CACNA1E: variants seen among roughly 807,000 people sequenced by gnomAD.
The protein encoded by CACNA1E is voltage-dependent R-type calcium channel subunit alpha-1E.
A neutral mutation model predicts 259.2 loss-of-function variants in CACNA1E; 40 were observed. The ratio of observed to expected loss-of-function variants is 0.15; its 90% CI spans 0.12 to 0.20. The LOEUF (loss-of-function observed/expected upper bound fraction) is 0.20. Among genes scored for constraint, CACNA1E ranks in the 10% least tolerant of loss-of-function variants. The pLI, the probability that CACNA1E is intolerant of heterozygous loss-of-function variation, is 1.00. For missense variants in CACNA1E, 1,874 were observed against 3,040.1 expected (o/e 0.62, Z 9.02); for synonymous variants, 1,104 against 1,138.5 (o/e 0.97, Z 0.61).
intron 3 of CACNA1E, among the ~76,000 whole-genome samples, chr1:181,516,621 C>T (rs1356803649): frequency 6.6e-6 from 1 of 152,176 alleles, no homozygotes; most frequent in Non-Finnish European, 1.5e-5. Context: ...ACCAGCTGTT[C>T]CTGTGCTGCT....
intron 7 of CACNA1E, among the ~76,000 whole-genome samples, chr1:181,694,561 A>G (rs1651517118): frequency 6.6e-6 from 1 of 152,216 alleles, no homozygotes; most frequent in Non-Finnish European, 1.5e-5. Flanking sequence ...GCTCTGTTGC[A>G]TAGGCTTTGC....
intron 2 of CACNA1E, among the ~76,000 whole-genome samples, chr1:181,463,883 A>T (rs1661978189): frequency 6.6e-6 from 1 of 152,080 alleles, no homozygotes; most frequent in African/African-American, 2.4e-5. Flanking sequence ...ACATACTGAG[A>T]TAAAAAAGAA....
At chr1:181,550,909 G>A (rs1648068989) in intron 3 of CACNA1E, among the ~76,000 whole-genome samples, 1 of 152,062 alleles carries the variant, frequency 6.6e-6, no homozygotes, top group African/African-American at 2.4e-5. Context: ...TGAGCCCCTT[G>A]GAAGGCAAGC....
At chr1:181,548,469 T>C (rs1489271171) in intron 3 of CACNA1E, among the ~76,000 whole-genome samples, 2 of 152,182 alleles carry the variant, frequency 1.3e-5, no homozygotes, top group African/African-American at 4.8e-5. Context: ...TCATGTCATA[T>C]GGATAATTAT....
At chr1:181,457,345 A>C (rs545065802) in intron 2 of CACNA1E, among the ~76,000 whole-genome samples, 2 of 152,364 alleles carry the variant, frequency 1.3e-5, no homozygotes, top group African/African-American at 4.8e-5. Context: ...TCAACATATG[A>C]ATTTGGGTGA....
intron 16 of CACNA1E, among the ~76,000 whole-genome samples, chr1:181,724,201 A>G (rs1654674729): frequency 1.3e-5 from 2 of 152,146 alleles, no homozygotes; most frequent in Admixed American, 6.5e-5. Flanking sequence ...TCCTCACCCC[A>G]TCTGGCCCCC....
chr1:181,356,911 T>G (rs1653486763), intron 1 of CACNA1E, among the ~76,000 whole-genome samples: 1 of 152,164 alleles, frequency 6.6e-6, no homozygotes, highest in Non-Finnish European at 1.5e-5. Flanking sequence ...ACCTGGTTGC[T>G]CGAATGGATT....
At chr1:181,572,999 C>G (rs10797731) in intron 3 of CACNA1E, among the ~76,000 whole-genome samples, 54,471 of 151,994 alleles carry the variant, frequency 0.36, 10,042 homozygotes, top group South Asian at 0.47. Context: ...TGGACCCTCC[C>G]AGCACTGGGC....
intron 6 of CACNA1E, among the ~76,000 whole-genome samples, chr1:181,618,014 TC>T (rs1655381295): frequency 6.6e-6 from 1 of 152,198 alleles, no homozygotes; most frequent in East Asian, 1.9e-4. Flanking sequence ...TATGGCTTTT[TC>T]CCCCTGCCTT....
intron 1 of CACNA1E, among the ~76,000 whole-genome samples, chr1:181,397,792 T>C (rs1474853252): frequency 6.6e-6 from 1 of 152,208 alleles, no homozygotes; most frequent in Non-Finnish European, 1.5e-5. Context: ...ATTCCACATG[T>C]AGCCCTTACC....
chr1:181,365,061 G>C (rs1654167381), intron 1 of CACNA1E, among the ~76,000 whole-genome samples: 1 of 152,226 alleles, frequency 6.6e-6, no homozygotes, highest in Admixed American at 6.5e-5. Flanking sequence ...TAGCAGCACT[G>C]AGCACGTGCT....
chr1:181,711,793 G>A (rs991815610), intron 8 of CACNA1E, among the ~76,000 whole-genome samples: 6 of 152,112 alleles, frequency 3.9e-5, no homozygotes, highest in Non-Finnish European at 8.8e-5. Context: ...AAGGAATAGG[G>A]AGGAGGAACA....
chr1:181,488,187 T>G (rs560662505), intron 1 of CACNA1E, among the ~76,000 whole-genome samples: 1 of 152,384 alleles, frequency 6.6e-6, no homozygotes, highest in South Asian at 2.1e-4. Context: ...TTTTGGTGTC[T>G]TCTTTTCTTC....
chr1:181,354,703 G>T (rs777297194), intron 1 of CACNA1E, among the ~76,000 whole-genome samples: 3 of 152,184 alleles, frequency 2.0e-5, no homozygotes, highest in Non-Finnish European at 4.4e-5. Context: ...AGGGAGACAG[G>T]GAAAAGGGCA....
chr1:181,644,841 G>A (rs1431793420), intron 6 of CACNA1E, among the ~76,000 whole-genome samples: 5 of 152,194 alleles, frequency 3.3e-5, no homozygotes, highest in African/African-American at 1.2e-4. Flanking sequence ...AAAGGGCCGG[G>A]CCATTGATAA....
chr1:181,796,178 C>A (rs917378685), intron 46 of CACNA1E, among the ~76,000 whole-genome samples: 8 of 152,142 alleles, frequency 5.3e-5, no homozygotes, highest in African/African-American at 1.9e-4. Context: ...AATTTGCTAG[C>A]CTGCCTTTCT....
chr1:181,355,364 G>A (rs887963536), intron 1 of CACNA1E, among the ~76,000 whole-genome samples: 1 of 152,170 alleles, frequency 6.6e-6, no homozygotes, highest in Non-Finnish European at 1.5e-5. Flanking sequence ...CAGGCAGGTG[G>A]ATCACTTGAG....
rs74879406 is a variant in CACNA1E, at chr1:181,607,205, G to C, written c.951+26429G>C. 5.0e-3 allele frequency among the ~76,000 whole-genome samples: 759 copies of C among 152,260 alleles called. 11 individuals carry two copies. The highest frequency in any genetic ancestry group is 0.017 in the African/African-American group (721 of 41,550). On this transcript the variant is annotated intron_variant, in intron 6 of 47. Transcript: ENST00000367573. The stretch of plus-strand genomic sequence containing the variant: ...GCCTAGGGCTTTGATTCAAGCACAA[G>C]GTGAGAGTGGAGCAGGGTGGGATGT...
chr1:181,326,446 G>A (rs983534843), intron 1 of CACNA1E, among the ~76,000 whole-genome samples: 4 of 152,158 alleles, frequency 2.6e-5, no homozygotes, highest in African/African-American at 9.7e-5. Flanking sequence ...TGAGAAGGAG[G>A]CCTGGATACC....
Sources: gnomAD v4.1 joint callset for allele counts (sites outside exome capture counted in the v4.1 genomes callset) on GRCh38, gnomAD v4.1.1 for gene constraint, MANE v1.5 for transcripts, NCBI Gene and HGNC (gene_info 2026-07-23, HGNC 2026-07-21) for gene names.